GPR161: variants seen among roughly 807,000 people sequenced by gnomAD.
GPR161 encodes the protein G-protein coupled receptor RE2.
Under a neutral mutation model 39.2 loss-of-function variants are expected in GPR161, and 25 were observed. That is an observed-to-expected ratio of 0.64 (90% CI 0.47 to 0.89). The LOEUF (loss-of-function observed/expected upper bound fraction) is 0.89, where lower values mean the gene tolerates loss of function less well. GPR161 is among the 40% of genes least tolerant of loss of function. GPR161 has a pLI of 0.00. For missense variants in GPR161, 547 were observed against 677.8 expected (o/e 0.81, Z 2.14); for synonymous variants, 286 against 276.6 (o/e 1.03, Z -0.34).
chr1:168,119,266 A>G (rs1211862649), intron 1 of GPR161, among the ~76,000 whole-genome samples: 5 of 125,012 alleles, frequency 4.0e-5, no homozygotes, highest in East Asian at 2.4e-4. Flanking sequence ...ACGTATATAT[A>G]TGTGTATATA....
At chr1:168,136,937 G>A, upstream of GPR161, 2 of 969,902 alleles carry the variant, frequency 2.1e-6, no homozygotes, top group South Asian at 9.6e-5. Context: ...AAGTAACTTT[G>A]CGGCGCCCGC....
rs1693994253 is a variant in GPR161, at chr1:168,080,576, C to G, written c.*4955G>C. ...TTCTGCATATATTGTGGGTAGCATCCCTGCCCTGCCTCTTAGGGGCTTGGA... is the reference window on the plus strand; with the variant it reads ...TTCTGCATATATTGTGGGTAGCATCGCTGCCCTGCCTCTTAGGGGCTTGGA... On this transcript the variant is annotated 3_prime_UTR_variant, in exon 6 of 6. Coordinates refer to ENST00000682931, the MANE Select transcript of GPR161 (RefSeq NM_001375883.1). 6.6e-6 allele frequency: 1 copy of G among 152,268 alleles called. No homozygotes were observed. The highest frequency in any genetic ancestry group is 1.5e-5 in the Non-Finnish European group (1 of 68,094). The allele number at this position is 152,268 out of a possible 1,614,324, so 9.4% of individuals were successfully genotyped here.
chr1:168,090,487 A>C, intron 4 of GPR161, 77 bp downstream of exon 4: 1 of 795,722 alleles, frequency 1.3e-6, no homozygotes, highest in Non-Finnish European at 2.1e-6. Context: ...GAGCCTGCAC[A>C]GGGGAAACGC....
At position 168,098,178 on chromosome 1, in the gene GPR161, G is replaced by A. The variant is rs1018906996; in HGVS notation, c.375-946C>T. ...ACCCCAGGCAGAAAGCTAGCCTGGC[G>A]AGGTATGGAGTTGTGAGTGAGCACC... On this transcript the variant is annotated intron_variant, in intron 2 of 5. Coordinates refer to ENST00000682931, the MANE Select transcript of GPR161 (RefSeq NM_001375883.1). This position sits in a 1 kb window ranked among gnomAD's most constrained non-coding sequence, Gnocchi z 4.1. Among the ~76,000 whole-genome samples, 3 of 152,228 alleles carry A rather than the reference G, an allele frequency of 2.0e-5. No individual in the cohort carries two copies. The highest frequency in any genetic ancestry group is 4.4e-5 in the Non-Finnish European group (3 of 68,046).
intron 2 of GPR161, among the ~76,000 whole-genome samples, chr1:168,099,885 G>A (rs920887901): frequency 2.1e-5 from 3 of 143,744 alleles, no homozygotes; most frequent in African/African-American, 7.7e-5. Context: ...TGAAATGCAC[G>A]CATCTACACC....
intron 1 of GPR161, among the ~76,000 whole-genome samples, chr1:168,108,461 A>G (rs372503058): frequency 1.1e-3 from 130 of 120,026 alleles, no homozygotes; most frequent in Middle Eastern, 5.3e-3. Flanking sequence ...GGACAAGGTT[A>G]TTTTATCCAC....
rs985224515 is a variant in GPR161, at chr1:168,080,778, T to C, written c.*4753A>G. 2 of 152,252 alleles carry C rather than the reference T, an allele frequency of 1.3e-5. No individual in the cohort carries two copies. The highest frequency in any genetic ancestry group is 4.8e-5 in the African/African-American group (2 of 41,458). The allele number at this position is 152,252 out of a possible 1,614,324, so 9.4% of individuals were successfully genotyped here. ...GGAACGTTACACCAGGCCCTGGGGATTTGATCATCTTTGATAGTCATTCCG... is the reference window on the plus strand; with the variant it reads ...GGAACGTTACACCAGGCCCTGGGGACTTGATCATCTTTGATAGTCATTCCG... On this transcript the variant is annotated 3_prime_UTR_variant, in exon 6 of 6. Transcript: ENST00000682931.
rs73028190 is a variant in GPR161 at position 168,085,393 on chromosome 1, C to T, written c.*138G>A. ...TTTTCAGTCCTTGTCCTGGTGGCTG[C>T]ATACCAGATGCTGCTCCTTCCCTGT... On this transcript the variant is annotated 3_prime_UTR_variant, in exon 6 of 6. Coordinates refer to ENST00000682931, the MANE Select transcript of GPR161 (RefSeq NM_001375883.1). 1.9e-3 allele frequency: 1,445 copies of T among 742,386 alleles called. 25 individuals carry two copies. In the African/African-American group the frequency reaches 0.023, roughly 12 times the overall value. The allele number at this position is 742,386 out of a possible 1,614,324, so 46.0% of individuals were successfully genotyped here. A position where few individuals can be genotyped will look rare whatever the true frequency, so the allele number is the denominator to read the frequency against.
At chr1:168,105,050 A>AT (rs1696481724) in intron 1 of GPR161, 156 bp from the exon 2 acceptor site, 1 of 602,280 alleles carries the variant, frequency 1.7e-6, no homozygotes, top group Non-Finnish European at 2.9e-6. Context: ...TAAGCGCTAC[A>AT]TAAGTGGGCC....
intron 3 of GPR161, among the ~76,000 whole-genome samples, chr1:168,092,497 A>G (rs1695159673): frequency 6.6e-6 from 1 of 152,138 alleles, no homozygotes; most frequent in African/African-American, 2.4e-5. Context: ...AATTACCCTG[A>G]GATTGTTCAC....
chr1:168,108,257 C>T (rs1209724192), intron 1 of GPR161, among the ~76,000 whole-genome samples: 1 of 151,882 alleles, frequency 6.6e-6, no homozygotes, highest in African/African-American at 2.4e-5. Flanking sequence ...ACCATGCTGT[C>T]CTCCATGAGG....
intron 1 of GPR161, among the ~76,000 whole-genome samples, chr1:168,133,288 A>G (rs1250204909): frequency 6.6e-6 from 1 of 152,212 alleles, no homozygotes; most frequent in Non-Finnish European, 1.5e-5. Context: ...AATCTTCCAG[A>G]CCTCAATAAA....
At chr1:168,112,322 T>C (rs1697242721) in intron 1 of GPR161, among the ~76,000 whole-genome samples, 1 of 151,142 alleles carries the variant, frequency 6.6e-6, no homozygotes, top group Admixed American at 6.6e-5. Context: ...CTACTAAAAA[T>C]ACAAAAAATT....
intron 1 of GPR161, among the ~76,000 whole-genome samples, chr1:168,115,870 G>C (rs997816353): frequency 6.6e-6 from 1 of 151,954 alleles, no homozygotes; most frequent in Non-Finnish European, 1.5e-5. Context: ...CCACCTCCCG[G>C]GTTCACGCCA....
At position 168,104,830 on chromosome 1, in the gene GPR161, G is replaced by A. The variant is rs1279890705; in HGVS notation, c.21C>T (p.Leu7=). 6.2e-7 allele frequency: 1 copy of A among 1,613,664 alleles called. No individual in the cohort carries two copies. The highest frequency in any genetic ancestry group is 1.7e-5 in the Admixed American group (1 of 59,952). ...GATTACTCAGCTCCTTCCTGCAGCTGAGGGAGGAGTTGAGGCTCATGGTCA... is the reference window on the plus strand; with the variant it reads ...GATTACTCAGCTCCTTCCTGCAGCTAAGGGAGGAGTTGAGGCTCATGGTCA... The part of the protein sequence containing the change: MSLNSS[L]SCRKELSNLT... The change falls in exon 2 of 6, where the codon CTC becomes CTT. Residue 7 remains leucine (L), a synonymous_variant. Transcript: ENST00000682931.
In GPR161 at chr1:168,136,809, G is replaced by C; in HGVS notation, c.-115C>G. 1 of 983,922 alleles carries C rather than the reference G, an allele frequency of 1.0e-6. No individual in the cohort carries two copies. Among genetic ancestry groups the C allele is most frequent in the Non-Finnish European group, 1.2e-6 (1 of 829,700 alleles). The allele number at this position is 983,922 out of a possible 1,614,324, so 60.9% of individuals were successfully genotyped here. On this transcript the variant is annotated 5_prime_UTR_variant, in exon 1 of 6. Transcript: ENST00000682931. ...CCCCGCCTCGGCCACCGCCGCCGCC[G>C]CTTCCTTCCTCCCCGCCGCGCTCCG... is the stretch of plus-strand genomic sequence containing the variant.
In GPR161 at chr1:168,081,169, T is replaced by C. The variant is rs1359974226; in HGVS notation, c.*4362A>G. On this transcript the variant is annotated 3_prime_UTR_variant, in exon 6 of 6. Transcript: ENST00000682931. ...GTGAGCTACCACGCCCGGCTGAGGA[T>C]AGACATTTTTAATAGAAAATCTCAT... 1 of 152,132 alleles carries C rather than the reference T, an allele frequency of 6.6e-6. No individual in the cohort carries two copies. The highest frequency in any genetic ancestry group is 2.4e-5 in the African/African-American group (1 of 41,424). 9.4% of individuals were successfully genotyped at this position (152,132 alleles called of 1,614,324 possible). A position where few individuals can be genotyped will look rare whatever the true frequency, so the allele number is the denominator to read the frequency against.
chr1:168,110,930 A>AC (rs1038544191), intron 1 of GPR161, among the ~76,000 whole-genome samples: 2 of 152,022 alleles, frequency 1.3e-5, no homozygotes, highest in African/African-American at 4.8e-5. Context: ...ATCTCAAAAA[A>AC]AAAAAAAGGG....
intron 1 of GPR161, among the ~76,000 whole-genome samples, chr1:168,121,945 G>A (rs929777242): frequency 2.0e-5 from 3 of 152,162 alleles, no homozygotes; most frequent in African/African-American, 4.8e-5. Context: ...ACTACCCAAG[G>A]CTGTTCCAAG....
Sources: gnomAD v4.1 joint callset for allele counts (sites outside exome capture counted in the v4.1 genomes callset) on GRCh38, gnomAD v4.1.1 for gene constraint, Gnocchi (gnomAD v3.1) non-coding constraint, MANE v1.5 for transcripts, NCBI Gene and HGNC (gene_info 2026-07-23, HGNC 2026-07-21) for gene names.